The following LRIG1 variants were observed in gnomAD, a reference collection of about 807,000 sequenced individuals.
LRIG1 encodes the protein leucine-rich repeats and immunoglobulin-like domains protein 1.
LRIG1 carries 48 observed loss-of-function variants against 99.2 expected under a neutral mutation model. The observed-to-expected ratio is 0.48, with a 90% confidence interval of 0.38 to 0.62. LRIG1 has a LOEUF of 0.62. Among genes scored for constraint, LRIG1 ranks in the 20% least tolerant of loss-of-function variants. The pLI is 0.00. For synonymous variants in LRIG1, 772 were observed against 596.1 expected (o/e 1.29, Z -4.30); for missense variants, 1,646 against 1,434.4 (o/e 1.15, Z -2.38).
Position 66,384,014 on chromosome 3 carries a change from G to C in LRIG1, c.2048C>G (p.Ala683Gly), listed in dbSNP as rs759550136. The change falls in exon 14 of 19, where the codon GCT becomes GGT. Residue 683 changes from alanine to glycine, a missense_variant. Coordinates refer to ENST00000273261, the MANE Select transcript of LRIG1 (RefSeq NM_015541.3). ...TAQNSAGSISANATLTVLETP... is the reference protein window; with the variant it reads ...TAQNSAGSISGNATLTVLETP... Reference sequence around the variant, plus strand: ...ACCTAGGACAGTCAGGGTGGCATTAGCTGAAATAGAACCGGCTGAGTTCTG... The same window carrying C: ...ACCTAGGACAGTCAGGGTGGCATTACCTGAAATAGAACCGGCTGAGTTCTG... 1.2e-6 allele frequency: 2 copies of C among 1,613,520 alleles called. No individual in the cohort carries two copies. The highest frequency in any genetic ancestry group is 1.7e-6 in the Non-Finnish European group (2 of 1,179,718).
intron 15 of LRIG1, 108 bp downstream of exon 15, chr3:66,382,874 T>A: frequency 9.9e-7 from 1 of 1,013,400 alleles, no homozygotes; most frequent in Non-Finnish European, 1.4e-6. Context: ...CCTCAGGAGT[T>A]CTGAACACAG....
At chr3:66,471,680 C>T (rs1013837064) in intron 1 of LRIG1, among the ~76,000 whole-genome samples, 2 of 152,172 alleles carry the variant, frequency 1.3e-5, no homozygotes, top group East Asian at 3.8e-4. Flanking sequence ...CGCTCTACTG[C>T]GGCAGAAAAC....
chr3:66,440,380 G>A (rs951807722), intron 3 of LRIG1, among the ~76,000 whole-genome samples: 2 of 152,092 alleles, frequency 1.3e-5, no homozygotes, highest in African/African-American at 4.8e-5. Flanking sequence ...ACCTACCCCA[G>A]GTAGAGAAAC....
intron 12 of LRIG1, 55 bp from the exon 13 acceptor site, chr3:66,386,356 C>T: frequency 2.5e-5 from 36 of 1,461,572 alleles, no homozygotes; most frequent in Non-Finnish European, 3.4e-5. Flanking sequence ...ACAGAGGAAC[C>T]AGCTGCTGTT....
intron 3 of LRIG1, among the ~76,000 whole-genome samples, chr3:66,443,952 G>A (rs1433563749): frequency 6.6e-6 from 1 of 152,182 alleles, no homozygotes; most frequent in Non-Finnish European, 1.5e-5. Flanking sequence ...GGCAGGTGGG[G>A]ACCCCAGTAG....
chr3:66,395,145 C>T (rs1004345508), intron 11 of LRIG1, among the ~76,000 whole-genome samples: 5 of 152,134 alleles, frequency 3.3e-5, no homozygotes, highest in African/African-American at 1.2e-4. Flanking sequence ...GATGGCTGGC[C>T]CACGATAAGG....
intron 1 of LRIG1, among the ~76,000 whole-genome samples, chr3:66,481,427 C>T (rs769265489): frequency 6.6e-6 from 1 of 152,012 alleles, no homozygotes; most frequent in Non-Finnish European, 1.5e-5. Flanking sequence ...GAGGCTGTGC[C>T]CAATTTAATA....
chr3:66,471,369 A>C (rs1430986236), intron 1 of LRIG1, among the ~76,000 whole-genome samples: 2 of 56,680 alleles, frequency 3.5e-5, no homozygotes, highest in Non-Finnish European at 1.6e-4. Context: ...CACCTGCACA[A>C]TAGCCCCCCT....
intron 2 of LRIG1, 135 bp from the exon 3 acceptor site, chr3:66,451,768 G>T (rs1575702528): frequency 1.6e-6 from 1 of 644,852 alleles, no homozygotes; most frequent in Non-Finnish European, 2.6e-6. Context: ...AAAAGAGAAA[G>T]AATTTAGCAG....
At chr3:66,410,011 T>C (rs1702412128) in intron 7 of LRIG1, 118 bp downstream of exon 7, 1 of 1,082,090 alleles carries the variant, frequency 9.2e-7, no homozygotes, top group Admixed American at 2.5e-5. Context: ...ACAGGGCTAC[T>C]GGCCTGTCTC....
Position 66,429,024 on chromosome 3 carries a change from T to C in LRIG1, c.366-11758A>G, listed in dbSNP as rs552049072. ...CAGCCCAGTGGCGGGATAAACAGCC[T>C]CCGCCAGGCAGGGTCAACCTCTCCA... On this transcript the variant is annotated intron_variant, in intron 3 of 18. Coordinates refer to ENST00000273261, the MANE Select transcript of LRIG1 (RefSeq NM_015541.3). Among the ~76,000 whole-genome samples, 13 of 152,252 alleles carry C rather than the reference T, an allele frequency of 8.5e-5. No individual in the cohort carries two copies. In the South Asian group the frequency reaches 2.7e-3, roughly 32 times the overall value.
intron 9 of LRIG1, among the ~76,000 whole-genome samples, chr3:66,400,503 C>G (rs1053531322): frequency 6.6e-6 from 1 of 152,198 alleles, no homozygotes; most frequent in African/African-American, 2.4e-5. Flanking sequence ...CCTGGTGATT[C>G]TCAGCGTCAA....
chr3:66,437,105 C>T (rs1255083542), intron 3 of LRIG1, among the ~76,000 whole-genome samples: 4 of 152,226 alleles, frequency 2.6e-5, no homozygotes, highest in Non-Finnish European at 4.4e-5. Context: ...CCTCATTTTC[C>T]TTCCGTCTCT....
At chr3:66,460,365 G>A (rs1324664917) in intron 2 of LRIG1, among the ~76,000 whole-genome samples, 1 of 152,194 alleles carries the variant, frequency 6.6e-6, no homozygotes, top group African/African-American at 2.4e-5. Context: ...GCTCCATGAT[G>A]GCCTGGGTTT....
Position 66,408,945 on chromosome 3 carries a change from T to TGTGC in LRIG1, c.935+1183_935+1184insGCAC, listed in dbSNP as rs1553715403. Among the ~76,000 whole-genome samples, 331 of 105,912 alleles carry TGTGC rather than the reference T, an allele frequency of 3.1e-3. 15 individuals are homozygous for TGTGC. The highest frequency in any genetic ancestry group is 0.012 in the African/African-American group (321 of 26,252). The allele number at this position is 105,912 out of a possible 152,430, so 69.5% of individuals were successfully genotyped here. A position where few individuals can be genotyped will look rare whatever the true frequency, so the allele number is the denominator to read the frequency against. On this transcript the variant is annotated intron_variant, in intron 7 of 18. Transcript: ENST00000273261. ...GTGTGTGTGTGTGTGTGTGTGTGTGTGTGTGTGTGTGTGTGTGGTGGGGGG... is the reference window on the plus strand; with the variant it reads ...GTGTGTGTGTGTGTGTGTGTGTGTGTGTGCGTGTGTGTGTGTGTGTGGTGGGGGG...
At chr3:66,453,001 C>T (rs1359298663) in intron 2 of LRIG1, among the ~76,000 whole-genome samples, 1 of 152,138 alleles carries the variant, frequency 6.6e-6, no homozygotes, top group East Asian at 1.9e-4. Flanking sequence ...TCTGACTGCC[C>T]CCTAAATCAG....
intron 3 of LRIG1, among the ~76,000 whole-genome samples, chr3:66,430,834 T>C (rs1703147354): frequency 6.6e-6 from 1 of 152,056 alleles, no homozygotes; most frequent in Admixed American, 6.5e-5. Context: ...GCCAAACGTA[T>C]TTATCGCTTT....
At chr3:66,435,670 T>C (rs79868543) in intron 3 of LRIG1, among the ~76,000 whole-genome samples, 5,332 of 152,256 alleles carry the variant, frequency 0.035, 142 homozygotes, top group Non-Finnish European at 0.054. Context: ...GATACAAATA[T>C]TCTGCATTCT....
At chr3:66,420,073 C>G (rs6806664) in intron 3 of LRIG1, among the ~76,000 whole-genome samples, 73,400 of 152,044 alleles carry the variant, frequency 0.48, 21,078 homozygotes, top group Non-Finnish European at 0.67. Flanking sequence ...GGGCTAATAT[C>G]CAGATATAAA....
Sources: allele counts gnomAD v4.1 joint callset (sites outside exome capture counted in the v4.1 genomes callset), GRCh38; gene constraint gnomAD v4.1.1; transcripts MANE v1.5; gene names NCBI Gene and HGNC (gene_info 2026-07-23, HGNC 2026-07-21).